ZNF839: variants seen among roughly 807,000 people sequenced by gnomAD.
The protein encoded by ZNF839 is zinc finger protein 839, also known as renal carcinoma antigen NY-REN-50.
A neutral mutation model predicts 56.4 loss-of-function variants in ZNF839; 38 were observed. The observed-to-expected ratio is 0.67, with a 90% CI of 0.52 to 0.88. ZNF839 has a LOEUF of 0.88. Ranked by LOEUF, ZNF839 falls within the 40% of genes least tolerant of loss-of-function variation. The probability of loss-of-function intolerance (pLI) is 0.00; values close to 1 mark genes in which losing one functional copy is unlikely to be tolerated. For missense variants in ZNF839, 1,091 were observed against 1,177.6 expected (o/e 0.93, Z 1.08); for synonymous variants, 486 against 493.5 (o/e 0.98, Z 0.20).
chr14:102,319,031 C>T (rs1367382780), upstream of ZNF839, among the ~76,000 whole-genome samples: 1 of 152,210 alleles, frequency 6.6e-6, no homozygotes, highest in Non-Finnish European at 1.5e-5. This position sits in a 1 kb window ranked among gnomAD's most constrained non-coding sequence, Gnocchi z 4.5. Context: ...GCGCACAGAG[C>T]CTCAACCGTA....
At chr14:102,322,548 G>GTGTA (rs911308786) in intron 1 of ZNF839, among the ~76,000 whole-genome samples, 35 of 152,310 alleles carry the variant, frequency 2.3e-4, no homozygotes, top group Admixed American at 7.2e-4. Flanking sequence ...GTAGGGTTTA[G>GTGTA]TGTATGTATG....
chr14:102,336,429 G>A (rs1446051466), intron 5 of ZNF839, among the ~76,000 whole-genome samples: 1 of 151,866 alleles, frequency 6.6e-6, no homozygotes, highest in African/African-American at 2.4e-5. Flanking sequence ...CAAGTAGCTG[G>A]GATTAGAGGC....
rs376270052 is a variant in ZNF839, at chr14:102,325,578, A to G, written c.289-407A>G. ...AGTGGTGCGATCTCAGCTTACTGCA[A>G]CCTCCTCCCGGGTTCAAGCGATTCT... On this transcript the variant is annotated intron_variant, in intron 1 of 7. Coordinates refer to ENST00000442396, the MANE Select transcript of ZNF839 (RefSeq NM_018335.6). 4.3e-4 allele frequency among the ~76,000 whole-genome samples: 65 copies of G among 151,570 alleles called. No individual in the cohort carries two copies. The East Asian group carries it at 9.0e-3, about 21-fold the overall frequency.
At chr14:102,333,717 C>T (rs1229453674) in intron 3 of ZNF839, among the ~76,000 whole-genome samples, 6 of 152,152 alleles carry the variant, frequency 3.9e-5, no homozygotes, top group Non-Finnish European at 8.8e-5. Flanking sequence ...CCACGCTTCC[C>T]GTTCAGACCT....
chr14:102,326,542 T>C lies in ZNF839; in HGVS notation c.846T>C (p.Asp282=). The C allele has an allele frequency of 6.2e-7, 1 of 1,614,004 alleles. No homozygotes were observed. The highest frequency in any genetic ancestry group is 8.5e-7 in the Non-Finnish European group (1 of 1,179,880). ...ATGGTCATCTGTCAGATTCTGATGA[T>C]TACTCAGAACTCTGTGTGGAAGAAG... ...LADGHLSDSD[D]YSELCVEEDE... is the part of the protein sequence containing the mutation. The change falls in exon 2 of 8, where the codon GAT becomes GAC. Residue 282 remains aspartate, a synonymous_variant. Transcript: ENST00000442396. This position sits in a 1 kb window ranked among gnomAD's most constrained non-coding sequence, Gnocchi z 4.3.
At chr14:102,330,534 C>CT (rs562581331) in intron 2 of ZNF839, among the ~76,000 whole-genome samples, 2,515 of 126,200 alleles carry the variant, frequency 0.02, 52 homozygotes, top group African/African-American at 0.05. Flanking sequence ...GCTCCCCGCT[C>CT]TTTTTTTTTT....
intron 2 of ZNF839, among the ~76,000 whole-genome samples, chr14:102,328,370 AAAAAAATATATATATATATATAT>A (rs2073546673): frequency 2.0e-5 from 1 of 49,210 alleles, no homozygotes; most frequent in African/African-American, 9.6e-5. Flanking sequence ...AAAAAAAAAA[AAAAAAATATATATATATATATAT>A]ATATATATAT....
At chr14:102,338,782 G>T in intron 5 of ZNF839, 34 bp from the exon 6 acceptor site, 1 of 1,612,954 alleles carries the variant, frequency 6.2e-7, no homozygotes, top group South Asian at 1.1e-5. Context: ...TGCTGTTTGG[G>T]TGAAGTTTAT....
At chr14:102,330,546 T>C (rs2073725796) in intron 2 of ZNF839, among the ~76,000 whole-genome samples, 1 of 150,062 alleles carries the variant, frequency 6.7e-6, no homozygotes, top group Non-Finnish European at 1.5e-5. Flanking sequence ...TTTTTTTTTT[T>C]TTTTTGGCGA....
At position 102,341,322 on chromosome 14, in the gene ZNF839, GGTTTTTCCCCTCCAGTAAATGTGACT is replaced by G. The variant is rs779696862; in HGVS notation, c.1930_1955del (p.Phe644LeufsTer5). The G allele has an allele frequency of 1.3e-6, 2 of 1,518,054 alleles. No individual in the cohort carries two copies. The highest frequency in any genetic ancestry group is 8.8e-7 in the Non-Finnish European group (1 of 1,133,738). The allele number at this position is 1,518,054 out of a possible 1,614,324, so 94.0% of individuals were successfully genotyped here. ...GTTCACCTGTTTCCCAAAATGTTTAGGTTTTTCCCCTCCAGTAAATGTGACTGTCTCTCCCCGTTCTGAAGAAAGCC... is the reference window on the plus strand; with the variant it reads ...GTTCACCTGTTTCCCAAAATGTTTAGGTCTCTCCCCGTTCTGAAGAAAGCC... On this transcript the variant is annotated frameshift_variant and splice_region_variant, in exon 8 of 8. Transcript: ENST00000442396. LOFTEE classifies it low-confidence loss of function (END_TRUNC).
At position 102,326,396 on chromosome 14, in the gene ZNF839, A is replaced by T. The variant is rs377448123; in HGVS notation, c.700A>T (p.Thr234Ser). 1 of 1,612,976 alleles carries T rather than the reference A, an allele frequency of 6.2e-7. No individual in the cohort carries two copies. Among genetic ancestry groups the T allele is most frequent in the Admixed American group, 1.7e-5 (1 of 59,786 alleles). The change falls in exon 2 of 8, where the codon ACA (threonine) becomes TCA (serine). Residue 234 changes from threonine to serine, a missense_variant. By Grantham distance (58) the Thr-to-Ser change is moderately conservative (BLOSUM62 1). Around this residue, in one of 3 missense-constraint regions of ZNF839, gnomAD observed 614 missense variants for 629.2 expected, o/e 0.98. Coordinates refer to ENST00000442396, the MANE Select transcript of ZNF839 (RefSeq NM_018335.6). The surrounding 1 kb of genome is among the most constrained non-coding windows in gnomAD (Gnocchi z 4.3). Reference sequence around the variant, plus strand: ...ACATCCATTTATTTCCAACTTGCATACAAGACATACTGAGAAACTAAAAAA... The same window carrying T: ...ACATCCATTTATTTCCAACTTGCATTCAAGACATACTGAGAAACTAAAAAA... ...SAHPFISNLH[T>S]RHTEKLKKSL... is the part of the protein sequence containing the mutation.
In ZNF839 at chr14:102,324,298, A is replaced by C. The variant is rs187519599; in HGVS notation, c.289-1687A>C. The stretch of plus-strand genomic sequence containing the variant: ...GGTGGTTCATGCCTGTAATCTCAGC[A>C]CTTTGGGAGGCTGAGGCGGACAGAT... On this transcript the variant is annotated intron_variant, in intron 1 of 7. Coordinates refer to ENST00000442396, the MANE Select transcript of ZNF839 (RefSeq NM_018335.6). Among the ~76,000 whole-genome samples, 23 of 152,286 alleles carry C rather than the reference A, an allele frequency of 1.5e-4. 1 individual carries two copies. Among genetic ancestry groups the C allele is most frequent in the Non-Finnish European group, 3.1e-4 (21 of 68,034 alleles).
At chr14:102,323,334 G>A (rs957355625) in intron 1 of ZNF839, among the ~76,000 whole-genome samples, 12 of 152,196 alleles carry the variant, frequency 7.9e-5, no homozygotes, top group African/African-American at 2.7e-4. Flanking sequence ...TTGGGAAATC[G>A]TGCTCTGGAT....
chr14:102,319,021 G>A (rs1391794259), upstream of ZNF839, among the ~76,000 whole-genome samples: 1 of 152,238 alleles, frequency 6.6e-6, no homozygotes, highest in African/African-American at 2.4e-5. This position sits in a 1 kb window ranked among gnomAD's most constrained non-coding sequence, Gnocchi z 4.5. Context: ...GATTCGGAGG[G>A]CGCACAGAGC....
In ZNF839 at chr14:102,341,422, C is replaced by T. The variant is rs544983444; in HGVS notation, c.2027C>T (p.Pro676Leu). 1.6e-4 allele frequency: 253 copies of T among 1,589,162 alleles called. 1 individual carries two copies. The South Asian group carries it at 2.0e-3, about 13-fold the overall frequency. Residue 676 changes from proline (P) to leucine (L), a missense_variant, in exon 8 of 8, where the codon CCG becomes CTG. Pro to Leu is a moderately conservative substitution (Grantham distance 98). This residue lies in a region of ZNF839 where 431 missense variants were observed against 468.0 expected (regional missense o/e 0.92). Coordinates refer to ENST00000442396, the MANE Select transcript of ZNF839 (RefSeq NM_018335.6). The part of the protein sequence containing the change: ...GGNGSVFQAG[P>L]QLQALANLEA... ...AATGGGAGCGTGTTCCAGGCGGGCCCGCAGCTTCAGGCACTGGCTAACTTA... is the reference window on the plus strand; with the variant it reads ...AATGGGAGCGTGTTCCAGGCGGGCCTGCAGCTTCAGGCACTGGCTAACTTA...
chr14:102,338,399 A>G (rs1272676148), intron 5 of ZNF839, among the ~76,000 whole-genome samples: 1 of 151,930 alleles, frequency 6.6e-6, no homozygotes, highest in Non-Finnish European at 1.5e-5. Context: ...TTAGCCAGGC[A>G]TGGTGGTGCA....
At chr14:102,324,872 C>T (rs2073324878) in intron 1 of ZNF839, among the ~76,000 whole-genome samples, 1 of 150,964 alleles carries the variant, frequency 6.6e-6, no homozygotes, top group South Asian at 2.1e-4. Flanking sequence ...ATTGCTTGAA[C>T]TCGGGAGGCG....
At position 102,341,900 on chromosome 14, in the gene ZNF839, G is replaced by A. The variant is rs759704222; in HGVS notation, c.2505G>A (p.Gly835=). ...CACATGGATCACTATTGACTGAAGG[G>A]TGTCTCAGAAGCCTTTCGGGGGACT... is the stretch of plus-strand genomic sequence containing the variant. The part of the protein sequence containing the change: ...PGPHGSLLTE[G]CLRSLSGDLN... Residue 835 remains glycine (G), a synonymous_variant, in exon 8 of 8, where the codon GGG becomes GGA. Coordinates refer to ENST00000442396, the MANE Select transcript of ZNF839 (RefSeq NM_018335.6). 1 of 1,614,040 alleles carries A rather than the reference G, an allele frequency of 6.2e-7. No homozygotes were observed. The highest frequency in any genetic ancestry group is 1.1e-5 in the South Asian group (1 of 91,084).
Position 102,326,068 on chromosome 14 carries a change from GC to G in ZNF839, c.376del (p.Gln126LysfsTer32). The G allele has an allele frequency of 1.2e-6, 2 of 1,613,762 alleles. No homozygotes were observed. Among genetic ancestry groups the G allele is most frequent in the Non-Finnish European group, 1.7e-6 (2 of 1,179,800 alleles). On this transcript the variant is annotated frameshift_variant, in exon 2 of 8. Coordinates refer to ENST00000442396, the MANE Select transcript of ZNF839 (RefSeq NM_018335.6). LOFTEE classifies it high-confidence loss of function. This position sits in a 1 kb window ranked among gnomAD's most constrained non-coding sequence, Gnocchi z 4.3. ...CAATGCTCCTACCGACCACAATCCA[GC>G]CCCAAACTGCAAGAAAGAGCCAGCT... The part of the protein sequence containing the change: ...RPMLLPTTIQ[P>X]QTARKSQLPR...
Sources: allele counts gnomAD v4.1 joint callset (sites outside exome capture counted in the v4.1 genomes callset), GRCh38; gene constraint gnomAD v4.1.1; regional missense constraint gnomAD v4.1.1; non-coding constraint Gnocchi (gnomAD v3.1); transcripts MANE v1.5; gene names NCBI Gene and HGNC (gene_info 2026-07-23, HGNC 2026-07-21).